USH2A: variants seen among roughly 807,000 people sequenced by gnomAD.
The protein encoded by USH2A is usherin.
In USH2A, 443 loss-of-function variants were observed where a neutral mutation model predicts 538.9. The ratio of observed to expected loss-of-function variants is 0.82; its 90% CI spans 0.76 to 0.89. USH2A has a LOEUF of 0.89. Among genes scored for constraint, USH2A ranks in the 40% least tolerant of loss-of-function variants. The pLI is 0.00. For synonymous variants in USH2A, 2,413 were observed against 2,273.5 expected (o/e 1.06, Z -1.75); for missense variants, 6,633 against 6,324.8 (o/e 1.05, Z -1.65).
intron 21 of USH2A, among the ~76,000 whole-genome samples, chr1:216,124,445 G>C (rs2033204293): frequency 6.6e-6 from 1 of 152,000 alleles, no homozygotes; most frequent in African/African-American, 2.4e-5. Context: ...GAATGGGCCA[G>C]AGAAATACAA....
chr1:216,048,602 A>G lies in USH2A; in HGVS notation c.6095T>C (p.Leu2032Pro), dbSNP rs759053679. 1.2e-6 allele frequency: 2 copies of G among 1,614,160 alleles called. No homozygotes were observed. The highest frequency in any genetic ancestry group is 1.1e-5 in the South Asian group (1 of 91,088). Residue 2032 changes from leucine to proline, a missense_variant, in exon 31 of 72, where the codon CTA becomes CCA. Leu to Pro is a moderately conservative substitution (Grantham distance 98). Transcript: ENST00000307340. ...LLPFKNYAVT[L>P]TACTLAGCTE... is the part of the protein sequence containing the mutation. ...ACAGCCAGCCAAAGTGCAAGCAGTTAGGGTTACTGCATAGTTTTTGAAGGG... is the reference window on the plus strand; with the variant it reads ...ACAGCCAGCCAAAGTGCAAGCAGTTGGGGTTACTGCATAGTTTTTGAAGGG...
At chr1:216,383,461 G>T (rs1258966510) in intron 3 of USH2A, among the ~76,000 whole-genome samples, 4 of 152,134 alleles carry the variant, frequency 2.6e-5, no homozygotes, top group African/African-American at 9.7e-5. Flanking sequence ...AAGTGCTATT[G>T]TAATGCTTGA....
chr1:216,049,760 A>C (rs533086368), intron 30 of USH2A, among the ~76,000 whole-genome samples: 1 of 152,260 alleles, frequency 6.6e-6, no homozygotes, highest in South Asian at 2.1e-4. Flanking sequence ...GGATGGAGCA[A>C]AGACCAGTTC....
At chr1:215,802,105 T>C (rs1662351496) in intron 49 of USH2A, among the ~76,000 whole-genome samples, 1 of 151,708 alleles carries the variant, frequency 6.6e-6, no homozygotes, top group African/African-American at 2.4e-5. Flanking sequence ...CTTTATACCA[T>C]ATACCAAAAC....
In USH2A at chr1:215,652,351, T is replaced by C. The variant is rs546174520; in HGVS notation, c.14134-1550A>G. On this transcript the variant is annotated intron_variant, in intron 64 of 71. Transcript: ENST00000307340. ...TGCATAAATAAAATAGTCAGAATCA[T>C]GAAAATTAAACGACTTGTCCATAGA... is the stretch of plus-strand genomic sequence containing the variant. Among the ~76,000 whole-genome samples, 20 of 152,348 alleles carry C rather than the reference T, an allele frequency of 1.3e-4. No homozygotes were observed. The East Asian group carries it at 3.9e-3, about 29-fold the overall frequency.
chr1:216,358,456 G>A (rs1192357574), intron 4 of USH2A, among the ~76,000 whole-genome samples: 7 of 152,042 alleles, frequency 4.6e-5, no homozygotes, highest in African/African-American at 1.7e-4. Flanking sequence ...AAGTATGGAG[G>A]ACAGTGACTT....
intron 51 of USH2A, 107 bp from the exon 52 acceptor site, chr1:215,786,981 A>G (rs549950402): frequency 9.8e-7 from 1 of 1,023,882 alleles, no homozygotes; most frequent in South Asian, 1.4e-5. Context: ...TCCTCCACTT[A>G]CTTGATGAAT....
intron 67 of USH2A, among the ~76,000 whole-genome samples, chr1:215,643,698 A>C (rs1330669753): frequency 6.6e-6 from 1 of 151,888 alleles, no homozygotes; most frequent in Non-Finnish European, 1.5e-5. Context: ...GCTATTTAAA[A>C]AAAAAATTTT....
intron 20 of USH2A, 128 bp from the exon 21 acceptor site, chr1:216,175,610 T>C (rs1260360657): frequency 3.3e-6 from 3 of 909,146 alleles, no homozygotes; most frequent in Non-Finnish European, 5.2e-6. Context: ...TGGTTTCAAG[T>C]ATCTGTATGG....
At chr1:215,627,442 TTCCTTCCTTCC>T (rs1558027536) in intron 71 of USH2A, among the ~76,000 whole-genome samples, 7 of 118,488 alleles carry the variant, frequency 5.9e-5, no homozygotes, top group Admixed American at 8.9e-5. Context: ...CCTTCCTTCC[TTCCTTCCTTCC>T]TTCCTTCCTT....
At position 215,671,335 on chromosome 1, in the gene USH2A, A is replaced by G. The variant is rs749554735; in HGVS notation, c.13812-42T>C. 1.9e-5 allele frequency: 30 copies of G among 1,599,266 alleles called. No individual in the cohort carries two copies. The South Asian group carries it at 3.2e-4, about 17-fold the overall frequency. ...AGAAATTAGTGATTTTCAGCAAAAT[A>G]GATTTTCATGGGAAGAATCTTTAAA... On this transcript the variant is annotated intron_variant, in intron 63 of 71. Transcript: ENST00000307340.
At chr1:216,088,862 T>A (rs189594313) in intron 23 of USH2A, 151 bp downstream of exon 23, 14 of 1,184,840 alleles carry the variant, frequency 1.2e-5, no homozygotes, top group Non-Finnish European at 1.5e-5. Flanking sequence ...TTCATCCTTT[T>A]AGGAGCATCC....
chr1:215,690,449 T>C (rs767454744), intron 61 of USH2A, among the ~76,000 whole-genome samples: 1 of 152,178 alleles, frequency 6.6e-6, no homozygotes, highest in Non-Finnish European at 1.5e-5. Context: ...TAGCTGGGTG[T>C]GGTGATGCAA....
At chr1:216,086,084 AT>A (rs1046587148) in intron 24 of USH2A, among the ~76,000 whole-genome samples, 3 of 151,848 alleles carry the variant, frequency 2.0e-5, no homozygotes, top group African/African-American at 4.8e-5. Flanking sequence ...TTGAAGGGTG[AT>A]TTTTTTTCCT....
intron 35 of USH2A, among the ~76,000 whole-genome samples, chr1:215,986,521 C>T (rs546002908): frequency 6.6e-6 from 1 of 152,064 alleles, no homozygotes; most frequent in African/African-American, 2.4e-5. Flanking sequence ...TCCTTTCATA[C>T]TGAGACATGC....
intron 15 of USH2A, among the ~76,000 whole-genome samples, chr1:216,213,158 C>G (rs554063481): frequency 2.6e-5 from 4 of 152,134 alleles, no homozygotes; most frequent in Non-Finnish European, 4.4e-5. Context: ...TCATTGCTGG[C>G]TTATAGAAAC....
intron 16 of USH2A, among the ~76,000 whole-genome samples, chr1:216,207,011 C>G: frequency 6.6e-6 from 1 of 152,060 alleles, no homozygotes; most frequent in Non-Finnish European, 1.5e-5. Flanking sequence ...TCCAGCTTCC[C>G]CACATTCCCA....
At chr1:215,730,074 C>G (rs573402626) in intron 60 of USH2A, among the ~76,000 whole-genome samples, 1 of 152,128 alleles carries the variant, frequency 6.6e-6, no homozygotes, top group Non-Finnish European at 1.5e-5. Context: ...GATAGGGAAA[C>G]TAGGGCCAAA....
At chr1:215,929,617 C>T (rs1253906192) in intron 38 of USH2A, among the ~76,000 whole-genome samples, 1 of 151,902 alleles carries the variant, frequency 6.6e-6, no homozygotes, top group Non-Finnish European at 1.5e-5. Context: ...GAAAATAGAA[C>T]AAAAGAGGTA....
Sources: allele counts gnomAD v4.1 joint callset (sites outside exome capture counted in the v4.1 genomes callset), GRCh38; gene constraint gnomAD v4.1.1; transcripts MANE v1.5; gene names NCBI Gene and HGNC (gene_info 2026-07-23, HGNC 2026-07-21).